The following SPEN variants were observed in gnomAD, a reference collection of about 807,000 sequenced individuals.
SPEN encodes msx2-interacting protein.
SPEN carries 18 observed loss-of-function variants against 269.9 expected under a neutral mutation model. The observed-to-expected ratio is 0.07, with a 90% CI of 0.05 to 0.10. The LOEUF is 0.10. Among genes scored for constraint, SPEN ranks in the 10% least tolerant of loss-of-function variants. The pLI is 1.00. For synonymous variants in SPEN, 1,726 were observed against 1,765.7 expected (o/e 0.98, Z 0.56); for missense variants, 3,822 against 4,631.2 (o/e 0.83, Z 5.07).
rs751471990 is a variant in SPEN, at chr1:15,935,995, T to TCCCTGTCCCCCTTCCTGC, written c.9761_9778dup (p.Val3254_Pro3259dup). The TCCCTGTCCCCCTTCCTGC allele has an allele frequency of 2.5e-6, 3 of 1,177,280 alleles. No individual in the cohort carries two copies. Among genetic ancestry groups the TCCCTGTCCCCCTTCCTGC allele is most frequent in the Admixed American group, 4.1e-5 (2 of 48,670 alleles). The allele number at this position is 1,177,280 out of a possible 1,614,324, so 72.9% of individuals were successfully genotyped here. A position where few individuals can be genotyped will look rare whatever the true frequency, so the allele number is the denominator to read the frequency against. On this transcript the variant is annotated inframe_insertion, in exon 11 of 15. Coordinates refer to ENST00000375759, the MANE Select transcript of SPEN (RefSeq NM_015001.3). This position sits in a 1 kb window ranked among gnomAD's most constrained non-coding sequence, Gnocchi z 7.7. ...ACCCCCACCCCTGCCCCCGTCCCTGTCCCTGTCCCCCTTCCTGCCCCTGCT... is the reference window on the plus strand; with the variant it reads ...ACCCCCACCCCTGCCCCCGTCCCTGTCCCTGTCCCCCTTCCTGCCCCTGTCCCCCTTCCTGCCCCTGCT...
intron 5 of SPEN, among the ~76,000 whole-genome samples, chr1:15,912,244 C>T (rs969198141): frequency 3.3e-5 from 5 of 152,230 alleles, no homozygotes; most frequent in Non-Finnish European, 5.9e-5. Flanking sequence ...GGACCGCCTG[C>T]AGTACTTGTT....
At chr1:15,892,321 G>A (rs555109550) in intron 3 of SPEN, among the ~76,000 whole-genome samples, 1 of 152,112 alleles carries the variant, frequency 6.6e-6, no homozygotes, top group Non-Finnish European at 1.5e-5. Flanking sequence ...ACTGCTCCCA[G>A]CTCTTCGTTT....
At position 15,939,469 on chromosome 1, in the gene SPEN, C is replaced by G. The variant is rs369922115; in HGVS notation, c.*42C>G. The G allele has an allele frequency of 1.1e-5, 16 of 1,500,140 alleles. No homozygotes were observed. The East Asian group carries it at 4.1e-4, about 39-fold the overall frequency. The allele number at this position is 1,500,140 out of a possible 1,614,324, so 92.9% of individuals were successfully genotyped here. A position where few individuals can be genotyped will look rare whatever the true frequency, so the allele number is the denominator to read the frequency against. The stretch of plus-strand genomic sequence containing the variant: ...CACCTCAGTGAATCTTCCCAGGGCT[C>G]TGCAGTAAAAACAAAGGACAACCCA... On this transcript the variant is annotated 3_prime_UTR_variant, in exon 15 of 15. Transcript: ENST00000375759. This position sits in a 1 kb window ranked among gnomAD's most constrained non-coding sequence, Gnocchi z 4.1.
chr1:15,872,564 C>T (rs1024383739), intron 1 of SPEN, among the ~76,000 whole-genome samples: 1 of 147,814 alleles, frequency 6.8e-6, no homozygotes, highest in African/African-American at 2.5e-5. Flanking sequence ...TGTGCCACTG[C>T]ACTCCAGCCT....
rs533853381 is a variant in SPEN at position 15,937,106 on chromosome 1, CAG to C, written c.10027-56_10027-55del. 1.5e-4 allele frequency: 233 copies of C among 1,560,050 alleles called. 1 individual carries two copies. In the African/African-American group the frequency reaches 2.9e-3, roughly 20 times the overall value. On this transcript the variant is annotated intron_variant, in intron 11 of 14. Transcript: ENST00000375759. The surrounding 1 kb of genome is among the most constrained non-coding windows in gnomAD (Gnocchi z 5.7). Reference sequence around the variant, plus strand: ...GGCCCTTTGGGTCATTTGTTGGTCTCAGGGGCTTGTGCACAACAGACTGACTC... The same window carrying C: ...GGCCCTTTGGGTCATTTGTTGGTCTCGGGCTTGTGCACAACAGACTGACTC...
At chr1:15,896,579 G>C (rs1046311725) in intron 3 of SPEN, among the ~76,000 whole-genome samples, 1 of 152,076 alleles carries the variant, frequency 6.6e-6, no homozygotes, top group African/African-American at 2.4e-5. Context: ...CTTAAGTGGA[G>C]CCAGTACCTG....
rs138635470 is a variant in SPEN, at chr1:15,928,955, T to C, written c.2715T>C (p.Asn905=). Residue 905 remains asparagine (N), a synonymous_variant, in exon 11 of 15, where the codon AAT becomes AAC. Coordinates refer to ENST00000375759, the MANE Select transcript of SPEN (RefSeq NM_015001.3). This position sits in a 1 kb window ranked among gnomAD's most constrained non-coding sequence, Gnocchi z 5.7. ...PVEKLKAKLD[N]DTVKSSALDQ... is the part of the protein sequence containing the mutation. ...AAAAGTTGAAAGCCAAGCTTGATAA[T>C]GACACTGTCAAATCTTCTGCCCTGG... is the stretch of plus-strand genomic sequence containing the variant. 3.7e-6 allele frequency: 6 copies of C among 1,614,100 alleles called. No individual in the cohort carries two copies. The highest frequency in any genetic ancestry group is 5.1e-6 in the Non-Finnish European group (6 of 1,180,054).
At position 15,867,804 on chromosome 1, in the gene SPEN, T is replaced by A. The variant is rs1255056280; in HGVS notation, c.84-5012T>A. 2.0e-5 allele frequency among the ~76,000 whole-genome samples: 3 copies of A among 151,956 alleles called. No individual in the cohort carries two copies. The East Asian group carries it at 5.8e-4, about 29-fold the overall frequency. Reference sequence around the variant, plus strand: ...TCCCTAATGACTAATGATGACTAAATTTACCATCTTTTCATGTGTTTATTG... The same window carrying A: ...TCCCTAATGACTAATGATGACTAAAATTACCATCTTTTCATGTGTTTATTG... On this transcript the variant is annotated intron_variant, in intron 1 of 14. Coordinates refer to ENST00000375759, the MANE Select transcript of SPEN (RefSeq NM_015001.3).
chr1:15,880,415 C>G (rs1256067214), intron 3 of SPEN, among the ~76,000 whole-genome samples: 1 of 144,800 alleles, frequency 6.9e-6, no homozygotes, highest in Non-Finnish European at 1.5e-5. Context: ...TTGATTCCTT[C>G]TAGTTTCACT....
Position 15,929,942 on chromosome 1 carries a change from T to C in SPEN, c.3702T>C (p.Asp1234=). The C allele has an allele frequency of 6.2e-7, 1 of 1,614,126 alleles. No homozygotes were observed. Among genetic ancestry groups the C allele is most frequent in the Non-Finnish European group, 8.5e-7 (1 of 1,180,026 alleles). The change falls in exon 11 of 15, where the codon GAT becomes GAC. Residue 1234 remains aspartate, a synonymous_variant. Transcript: ENST00000375759. The surrounding 1 kb of genome is among the most constrained non-coding windows in gnomAD (Gnocchi z 5.8). ...AAAAGAAAAGGATGGATCATGTCGA[T>C]TTTGATATCTGCACCAAGCGAGAAC... ...PSKKKRMDHV[D]FDICTKRERN... is the part of the protein sequence containing the mutation.
In SPEN at chr1:15,934,168, C is replaced by T. The variant is rs761257480; in HGVS notation, c.7928C>T (p.Ala2643Val). 3.1e-6 allele frequency: 5 copies of T among 1,614,236 alleles called. 1 individual carries two copies. Among genetic ancestry groups the T allele is most frequent in the Middle Eastern group, 3.3e-4 (2 of 6,062 alleles). ...CAGAAGATAACCTTGGCAAAACCAGCTCCTCAAACCCTCACTGGTCTGGTG... is the reference window on the plus strand; with the variant it reads ...CAGAAGATAACCTTGGCAAAACCAGTTCCTCAAACCCTCACTGGTCTGGTG... ...NSQKITLAKP[A>V]PQTLTGLVSA... The change falls in exon 11 of 15, where the codon GCT becomes GTT. Residue 2643 changes from alanine (A) to valine (V), a missense_variant. Coordinates refer to ENST00000375759, the MANE Select transcript of SPEN (RefSeq NM_015001.3). The surrounding 1 kb of genome is among the most constrained non-coding windows in gnomAD (Gnocchi z 9.2).
chr1:15,847,834 T>C lies in SPEN; in HGVS notation c.-234T>C, dbSNP rs1452829788. The C allele has an allele frequency of 1.2e-5, 3 of 247,888 alleles. No individual in the cohort carries two copies. Among genetic ancestry groups the C allele is most frequent in the East Asian group, 6.7e-5 (1 of 14,964 alleles). The allele number at this position is 247,888 out of a possible 1,614,324, so 15.4% of individuals were successfully genotyped here. A position where few individuals can be genotyped will look rare whatever the true frequency, so the allele number is the denominator to read the frequency against. The stretch of plus-strand genomic sequence containing the variant: ...CGCATGCGCTGCCGGAGCGCGAGGG[T>C]CGGCTTCGGGTGTGTGGTGGCGGCA... On this transcript the variant is annotated 5_prime_UTR_variant, in exon 1 of 15. Coordinates refer to ENST00000375759, the MANE Select transcript of SPEN (RefSeq NM_015001.3).
In SPEN at chr1:15,847,963, AGCCGCCGCC is replaced by A. The variant is rs892124796; in HGVS notation, c.-95_-87del. 15 of 600,208 alleles carry A rather than the reference AGCCGCCGCC, an allele frequency of 2.5e-5. No homozygotes were observed. Among genetic ancestry groups the A allele is most frequent in the East Asian group, 8.4e-5 (2 of 23,952 alleles). The allele number at this position is 600,208 out of a possible 1,614,324, so 37.2% of individuals were successfully genotyped here. A position where few individuals can be genotyped will look rare whatever the true frequency, so the allele number is the denominator to read the frequency against. Reference sequence around the variant, plus strand: ...CCGCCGCTGCCGACGCCACCGCCGCAGCCGCCGCCGCCGCCGCCCCGGCACCCGCCTCCC... The same window carrying A: ...CCGCCGCTGCCGACGCCACCGCCGCAGCCGCCGCCCCGGCACCCGCCTCCC... On this transcript the variant is annotated 5_prime_UTR_variant, in exon 1 of 15. Transcript: ENST00000375759.
intron 3 of SPEN, among the ~76,000 whole-genome samples, chr1:15,899,848 A>C (rs1461345518): frequency 2.0e-5 from 3 of 150,676 alleles, no homozygotes; most frequent in Non-Finnish European, 4.4e-5. Context: ...TTTTTATTTT[A>C]TTTATTTATT....
At position 15,909,340 on chromosome 1, in the gene SPEN, T is replaced by G. The variant is rs2148728150; in HGVS notation, c.901T>G (p.Ser301Ala). ...SSDSSDSSSS[S>A]SDDSPARSVQ... is the part of the protein sequence containing the mutation. The stretch of plus-strand genomic sequence containing the variant: ...TTGCAGCAGTGATTCCAGCAGTAGT[T>G]CAAGTGATGATTCTCCAGCTCGATC... The change falls in exon 4 of 15, where the codon TCA (serine) becomes GCA (alanine). Residue 301 changes from serine to alanine, a missense_variant. This residue lies in a region of SPEN where 327 missense variants were observed against 350.8 expected (regional missense o/e 0.93). Transcript: ENST00000375759. 6.2e-7 allele frequency: 1 copy of G among 1,612,256 alleles called. No homozygotes were observed. The highest frequency in any genetic ancestry group is 2.2e-5 in the East Asian group (1 of 44,858).
At chr1:15,860,406 T>TGTGTG (rs1254688564) in intron 1 of SPEN, among the ~76,000 whole-genome samples, 18 of 147,212 alleles carry the variant, frequency 1.2e-4, no homozygotes, top group African/African-American at 4.0e-4. Context: ...TGTGTGTGTG[T>TGTGTG]GTGTGTGTGT....
At chr1:15,926,465 A>C (rs1330464078) in intron 10 of SPEN, among the ~76,000 whole-genome samples, 1 of 152,114 alleles carries the variant, frequency 6.6e-6, no homozygotes, top group Non-Finnish European at 1.5e-5. Flanking sequence ...TATATTTATA[A>C]AATAATGTGT....
At chr1:15,887,566 A>G (rs2070748732) in intron 3 of SPEN, among the ~76,000 whole-genome samples, 1 of 150,068 alleles carries the variant, frequency 6.7e-6, no homozygotes, top group African/African-American at 2.4e-5. Context: ...AAGTGCTGGG[A>G]TTACAGGCGT....
In SPEN at chr1:15,937,619, C is replaced by T; in HGVS notation, c.10483C>T (p.Pro3495Ser). Residue 3495 changes from proline to serine, a missense_variant, in exon 12 of 15, where the codon CCC (proline) becomes TCC (serine). This residue lies in a region of SPEN where 359 missense variants were observed against 377.3 expected (regional missense o/e 0.95). Transcript: ENST00000375759. The surrounding 1 kb of genome is among the most constrained non-coding windows in gnomAD (Gnocchi z 5.7). Reference protein sequence around the residue: ...DSSPHLTSQRPVDMVQLLKKY... With the variant: ...DSSPHLTSQRSVDMVQLLKKY... ...CTCTCCACACCTGACTTCCCAGAGA[C>T]CCGTGGATATGGTTCAACTTCTGAA... 3.1e-6 allele frequency: 5 copies of T among 1,613,768 alleles called. No individual in the cohort carries two copies. In the South Asian group the frequency reaches 4.4e-5, roughly 14 times the overall value.
Sources: allele counts gnomAD v4.1 joint callset (sites outside exome capture counted in the v4.1 genomes callset), GRCh38; gene constraint gnomAD v4.1.1; regional missense constraint gnomAD v4.1.1; non-coding constraint Gnocchi (gnomAD v3.1); transcripts MANE v1.5; gene names NCBI Gene and HGNC (gene_info 2026-07-23, HGNC 2026-07-21).